The following PCDHGA6 variants were observed in gnomAD, a reference collection of about 807,000 sequenced individuals.
PCDHGA6 encodes the protein protocadherin gamma-A6.
PCDHGA6 carries 41 observed loss-of-function variants against 60.6 expected under a neutral mutation model. The ratio of observed to expected loss-of-function variants is 0.68; its 90% CI spans 0.53 to 0.88. The LOEUF (loss-of-function observed/expected upper bound fraction) is 0.88. PCDHGA6 is among the 40% of genes least tolerant of loss of function. The probability of loss-of-function intolerance (pLI) is 0.00; values close to 1 mark genes in which losing one functional copy is unlikely to be tolerated. For synonymous variants in PCDHGA6, 594 were observed against 524.4 expected, an observed-to-expected ratio of 1.13 and a Z score of -1.81; for missense variants, 1,312 against 1,203.0, an observed-to-expected ratio of 1.09 and a Z score of -1.34.
intron 1 of PCDHGA6, among the ~76,000 whole-genome samples, chr5:141,484,369 G>A (rs1218433750): frequency 6.6e-6 from 1 of 152,164 alleles, no homozygotes; most frequent in Non-Finnish European, 1.5e-5. Flanking sequence ...TGTATCACTA[G>A]CAAATGTCTG....
At position 141,431,245 on chromosome 5, in the gene PCDHGA6, C is replaced by T; in HGVS notation, c.2424+54738C>T. The T allele has an allele frequency of 1.2e-6, 2 of 1,614,134 alleles. No individual in the cohort carries two copies. The highest frequency in any genetic ancestry group is 1.7e-6 in the Non-Finnish European group (2 of 1,180,038). ...TACCCCACGCCTGGGATCCGGATATCGGGAAGAACTCTCTGCAGAGCTACG... is the reference window on the plus strand; with the variant it reads ...TACCCCACGCCTGGGATCCGGATATTGGGAAGAACTCTCTGCAGAGCTACG... On this transcript the variant is annotated intron_variant, in intron 1 of 3. Transcript: ENST00000517434. This position sits in a 1 kb window ranked among gnomAD's most constrained non-coding sequence, Gnocchi z 4.8.
intron 1 of PCDHGA6, among the ~76,000 whole-genome samples, chr5:141,463,438 CTTTTT>C (rs71576115): frequency 7.7e-5 from 8 of 103,256 alleles, no homozygotes; most frequent in African/African-American, 2.7e-4. Flanking sequence ...TTTCCTTCTC[CTTTTT>C]TTTTTTTTTT....
At chr5:141,465,141 A>AT (rs1341872532) in intron 1 of PCDHGA6, among the ~76,000 whole-genome samples, 2 of 151,678 alleles carry the variant, frequency 1.3e-5, no homozygotes, top group Non-Finnish European at 2.9e-5. Flanking sequence ...AGTTTAGGGG[A>AT]TATATGAAGG....
At chr5:141,422,434 T>C in intron 1 of PCDHGA6, 5 of 1,609,566 alleles carry the variant, frequency 3.1e-6, no homozygotes, top group Non-Finnish European at 3.4e-6. Context: ...TGGAAATTAT[T>C]ACAAATTGAT....
At chr5:141,401,677 G>C (rs1017959276) in intron 1 of PCDHGA6, among the ~76,000 whole-genome samples, 2 of 152,184 alleles carry the variant, frequency 1.3e-5, no homozygotes, top group Non-Finnish European at 2.9e-5. Flanking sequence ...CATCCTTGTA[G>C]GATGGAAGGT....
In PCDHGA6 at chr5:141,489,621, T is replaced by C. The variant is rs765666746; in HGVS notation, c.2425-5186T>C. 29 of 1,613,978 alleles carry C rather than the reference T, an allele frequency of 1.8e-5. No individual in the cohort carries two copies. The highest frequency in any genetic ancestry group is 1.6e-4 in the Middle Eastern group (1 of 6,084). On this transcript the variant is annotated intron_variant, in intron 1 of 3. Transcript: ENST00000517434. The surrounding 1 kb of genome is among the most constrained non-coding windows in gnomAD (Gnocchi z 4.5). ...TAGAGGTAGAGATCCTGGATCTCAATGACAACTCTCCTAGCTTTGCCACCC... is the reference window on the plus strand; with the variant it reads ...TAGAGGTAGAGATCCTGGATCTCAACGACAACTCTCCTAGCTTTGCCACCC...
chr5:141,428,561 A>G (rs879118525), intron 1 of PCDHGA6: 16 of 238,202 alleles, frequency 6.7e-5, no homozygotes, highest in South Asian at 5.9e-4. Context: ...GTCCCCCCAC[A>G]AGATCTTTCT....
chr5:141,388,663 C>A (rs770660956), intron 1 of PCDHGA6: 1 of 1,613,928 alleles, frequency 6.2e-7, no homozygotes, highest in Non-Finnish European at 8.5e-7. Context: ...CCGGGGACCA[C>A]GGTGCTACAG....
chr5:141,452,844 C>T (rs1239022315), intron 1 of PCDHGA6, among the ~76,000 whole-genome samples: 1 of 152,204 alleles, frequency 6.6e-6, no homozygotes, highest in Non-Finnish European at 1.5e-5. Context: ...CCAGCCCACA[C>T]TCTGGGGAGA....
chr5:141,410,714 T>C (rs1561730445), intron 1 of PCDHGA6: 7 of 1,434,512 alleles, frequency 4.9e-6, no homozygotes, highest in Middle Eastern at 1.8e-4. Flanking sequence ...TAGAATCATA[T>C]GTTTAAAATC....
intron 1 of PCDHGA6, among the ~76,000 whole-genome samples, chr5:141,433,664 C>G (rs1027404017): frequency 6.6e-6 from 1 of 151,966 alleles, no homozygotes; most frequent in South Asian, 2.1e-4. Flanking sequence ...GGAGAAACCC[C>G]GTCTATACTA....
Position 141,438,591 on chromosome 5 carries a change from C to CAT in PCDHGA6, c.2425-56172_2425-56171dup, listed in dbSNP as rs946798767. On this transcript the variant is annotated intron_variant, in intron 1 of 3. Coordinates refer to ENST00000517434, the MANE Select transcript of PCDHGA6 (RefSeq NM_018919.3). ...TCTGATATACATACATACATACATA[C>CAT]ATATATATATATATATATATATATA... Among the ~76,000 whole-genome samples the CAT allele has an allele frequency of 6.3e-3, 476 of 75,268 alleles. 1 individual carries two copies. The highest frequency in any genetic ancestry group is 9.5e-3 in the Non-Finnish European group (352 of 37,106). 49.4% of individuals were successfully genotyped at this position (75,268 alleles called of 152,430 possible). A position where few individuals can be genotyped will look rare whatever the true frequency, so the allele number is the denominator to read the frequency against.
chr5:141,403,053 C>T (rs754618954), intron 1 of PCDHGA6: 2 of 1,614,076 alleles, frequency 1.2e-6, no homozygotes, highest in Non-Finnish European at 1.7e-6. Context: ...ATTCGCTACT[C>T]AGTGCCTGAA....
intron 1 of PCDHGA6, among the ~76,000 whole-genome samples, chr5:141,475,237 G>C (rs2099360785): frequency 6.6e-6 from 1 of 152,234 alleles, no homozygotes. Flanking sequence ...AAACGATAGA[G>C]AGAGTGTGCT....
intron 1 of PCDHGA6, chr5:141,415,069 A>G (rs1323441877): frequency 1.1e-5 from 18 of 1,613,420 alleles, no homozygotes; most frequent in Non-Finnish European, 1.5e-5. Flanking sequence ...CGAGGTGCGC[A>G]CGGCGCGAGC....
intron 1 of PCDHGA6, chr5:141,390,882 G>C (rs892294372): frequency 6.5e-6 from 1 of 152,824 alleles, no homozygotes; most frequent in Admixed American, 6.5e-5. Flanking sequence ...GTGTGTGTGT[G>C]TGTGTGAGAG....
chr5:141,404,555 A>G (rs751841732), intron 1 of PCDHGA6: 1 of 1,613,802 alleles, frequency 6.2e-7, no homozygotes, highest in African/African-American at 1.3e-5. Flanking sequence ...GGTGACGGCA[A>G]GTGACAGTGG....
rs1021502624 is a variant in PCDHGA6, at chr5:141,376,267, G to C, written c.2184G>C (p.Ser728=). The C allele has an allele frequency of 1.2e-6, 2 of 1,614,092 alleles. No individual in the cohort carries two copies. The highest frequency in any genetic ancestry group is 2.7e-5 in the African/African-American group (2 of 74,936). The change falls in exon 1 of 4, where the codon TCG becomes TCC. Residue 728 remains serine (S), a synonymous_variant. Transcript: ENST00000517434. ...RWHKSRLLQA[S]GGGLASMPGS... is the part of the protein sequence containing the mutation. ...ACAAGTCACGCCTGCTGCAGGCTTC[G>C]GGAGGTGGCTTAGCGAGCATGCCCG...
chr5:141,507,631 C>T (rs1435446169), intron 3 of PCDHGA6, among the ~76,000 whole-genome samples: 4 of 152,236 alleles, frequency 2.6e-5, no homozygotes, highest in East Asian at 3.8e-4. Context: ...TGTGGCCTTG[C>T]GCCCTGAGGC....
Sources: allele counts gnomAD v4.1 joint callset (sites outside exome capture counted in the v4.1 genomes callset), GRCh38; gene constraint gnomAD v4.1.1; non-coding constraint Gnocchi (gnomAD v3.1); transcripts MANE v1.5; gene names NCBI Gene and HGNC (gene_info 2026-07-23, HGNC 2026-07-21).